FGFBP3: variants seen among roughly 807,000 people sequenced by gnomAD.
The protein encoded by FGFBP3 is fibroblast growth factor binding protein 3.
Under a neutral mutation model 4.8 loss-of-function variants are expected in FGFBP3, and 4 were observed. That is an observed-to-expected ratio of 0.83 (90% CI 0.41 to 1.90). The LOEUF (loss-of-function observed/expected upper bound fraction) is 1.90, where lower values mean the gene tolerates loss of function less well. Ranked by LOEUF, FGFBP3 falls within the 40% of genes most tolerant of loss-of-function variation. FGFBP3 has a pLI of 0.03. For missense variants in FGFBP3, 429 were observed against 397.4 expected (o/e 1.08, Z -0.68); for synonymous variants, 215 against 190.0 (o/e 1.13, Z -1.08).
In FGFBP3 at chr10:91,908,643, G is replaced by C; in HGVS notation, c.327C>G (p.Phe109Leu). ...GCAGCCCTCCCAGCACCTGCTTCCA[G>C]AAGTGCGCGCGGCGAGCGGCGTAGG... The part of the protein sequence containing the change: ...CAAYAARRAH[F>L]WKQVLGGLRK... Residue 109 changes from phenylalanine (F) to leucine (L), a missense_variant, in exon 2 of 2, where the codon TTC (phenylalanine) becomes TTG (leucine). Coordinates refer to ENST00000311575, the MANE Select transcript of FGFBP3 (RefSeq NM_152429.5). 1 of 1,436,872 alleles carries C rather than the reference G, an allele frequency of 7.0e-7. No homozygotes were observed. Among genetic ancestry groups the C allele is most frequent in the Non-Finnish European group, 9.1e-7 (1 of 1,098,686 alleles). The allele number at this position is 1,436,872 out of a possible 1,614,324, so 89.0% of individuals were successfully genotyped here.
At position 91,907,863 on chromosome 10, in the gene FGFBP3, C is replaced by A. The variant is rs886728436; in HGVS notation, c.*330G>T. The A allele has an allele frequency of 5.3e-5, 15 of 282,738 alleles. No individual in the cohort carries two copies. Among genetic ancestry groups the A allele is most frequent in the Non-Finnish European group, 9.1e-5 (14 of 153,204 alleles). The allele number at this position is 282,738 out of a possible 1,614,324, so 17.5% of individuals were successfully genotyped here. A position where few individuals can be genotyped will look rare whatever the true frequency, so the allele number is the denominator to read the frequency against. On this transcript the variant is annotated 3_prime_UTR_variant, in exon 2 of 2. Coordinates refer to ENST00000311575, the MANE Select transcript of FGFBP3 (RefSeq NM_152429.5). ...ATCACTTTAGTCACTCTATCTCCCC[C>A]TTATTCTCAGCCTCCCTCTGCATCG...
Position 91,909,059 on chromosome 10 carries a change from G to C in FGFBP3, c.-78-12C>G, listed in dbSNP as rs1026773205. The C allele has an allele frequency of 1.4e-6, 2 of 1,405,284 alleles. No individual in the cohort carries two copies. The highest frequency in any genetic ancestry group is 2.8e-5 in the South Asian group (2 of 72,132). 87.1% of individuals were successfully genotyped at this position (1,405,284 alleles called of 1,614,324 possible). On this transcript the variant is annotated splice_polypyrimidine_tract_variant and intron_variant, in intron 1 of 1. Coordinates refer to ENST00000311575, the MANE Select transcript of FGFBP3 (RefSeq NM_152429.5). Reference sequence around the variant, plus strand: ...GCATTCCCCAGGACCTGCGGACAGAGGCAGAGACTGCCACCAACTGAGCCA... The same window carrying C: ...GCATTCCCCAGGACCTGCGGACAGACGCAGAGACTGCCACCAACTGAGCCA...
At position 91,908,915 on chromosome 10, in the gene FGFBP3, T is replaced by TCAG. The variant is rs370474127; in HGVS notation, c.52_54dup (p.Leu18dup). 1.2e-4 allele frequency: 200 copies of TCAG among 1,604,358 alleles called. 1 individual carries two copies. The highest frequency in any genetic ancestry group is 6.5e-4 in the East Asian group (29 of 44,370). ...CGAGCAGCCGCGAGGAGGCAACCAC[T>TCAG]CAGCAGCAGCAGCAGCGACGGCGAC... On this transcript the variant is annotated inframe_insertion, in exon 2 of 2. Transcript: ENST00000311575.
In FGFBP3 at chr10:91,907,891, T is replaced by G; in HGVS notation, c.*302A>C. 5 of 327,778 alleles carry G rather than the reference T, an allele frequency of 1.5e-5. No homozygotes were observed. Among genetic ancestry groups the G allele is most frequent in the Non-Finnish European group, 2.2e-5 (4 of 181,234 alleles). 20.3% of individuals were successfully genotyped at this position (327,778 alleles called of 1,614,324 possible). A position where few individuals can be genotyped will look rare whatever the true frequency, so the allele number is the denominator to read the frequency against. On this transcript the variant is annotated 3_prime_UTR_variant, in exon 2 of 2. Coordinates refer to ENST00000311575, the MANE Select transcript of FGFBP3 (RefSeq NM_152429.5). ...ATTCTCAGCCTCCCTCTGCATCGAT[T>G]TCTCTCCCCAGTCTCCAGTTTTTGC... is the stretch of plus-strand genomic sequence containing the variant.
chr10:91,908,102 T>G lies in FGFBP3; in HGVS notation c.*91A>C. The G allele has an allele frequency of 9.5e-6, 11 of 1,161,124 alleles. No homozygotes were observed. The highest frequency in any genetic ancestry group is 3.7e-5 in the East Asian group (1 of 27,304). The allele number at this position is 1,161,124 out of a possible 1,614,324, so 71.9% of individuals were successfully genotyped here. A position where few individuals can be genotyped will look rare whatever the true frequency, so the allele number is the denominator to read the frequency against. On this transcript the variant is annotated 3_prime_UTR_variant, in exon 2 of 2. Coordinates refer to ENST00000311575, the MANE Select transcript of FGFBP3 (RefSeq NM_152429.5). ...TTCGAGAACCTGGACTTCTCCCCAA[T>G]CTCTATCACAGTACCCCCCGGTCTA...
At chr10:91,909,225 G>T (rs1021350360) in intron 1 of FGFBP3, 173 bp downstream of exon 1, 2 of 488,646 alleles carry the variant, frequency 4.1e-6, no homozygotes, top group Admixed American at 4.4e-5. Context: ...TTCGAACCAT[G>T]TATGCATTGA....
At position 91,908,672 on chromosome 10, in the gene FGFBP3, C is replaced by A. The variant is rs192010535; in HGVS notation, c.298G>T (p.Ala100Ser). 1.1e-5 allele frequency: 16 copies of A among 1,428,960 alleles called. No individual in the cohort carries two copies. The Admixed American group carries it at 3.1e-4, about 27-fold the overall frequency. The allele number at this position is 1,428,960 out of a possible 1,614,324, so 88.5% of individuals were successfully genotyped here. Reference sequence around the variant, plus strand: ...TGCGCGCGGCGAGCGGCGTAGGCTGCGCAGCGCTCCGGATGCCCGCGGTAG... The same window carrying A: ...TGCGCGCGGCGAGCGGCGTAGGCTGAGCAGCGCTCCGGATGCCCGCGGTAG... Reference protein sequence around the residue: ...CAYRGHPERCAAYAARRAHFW... With the variant: ...CAYRGHPERCSAYAARRAHFW... Residue 100 changes from alanine (A) to serine (S), a missense_variant, in exon 2 of 2, where the codon GCA (alanine) becomes TCA (serine). Coordinates refer to ENST00000311575, the MANE Select transcript of FGFBP3 (RefSeq NM_152429.5).
chr10:91,908,975 G>A lies in FGFBP3; in HGVS notation c.-6C>T. 1 of 1,567,552 alleles carries A rather than the reference G, an allele frequency of 6.4e-7. No individual in the cohort carries two copies. The highest frequency in any genetic ancestry group is 8.6e-7 in the Non-Finnish European group (1 of 1,159,524). Reference sequence around the variant, plus strand: ...CGCAGCTTCGGAGGAGTCATGCTCCGCGGTTTCCGCGCTCCGCTGTTCTCA... The same window carrying A: ...CGCAGCTTCGGAGGAGTCATGCTCCACGGTTTCCGCGCTCCGCTGTTCTCA... On this transcript the variant is annotated 5_prime_UTR_variant, in exon 2 of 2. Transcript: ENST00000311575.
chr10:91,908,085 C>T lies in FGFBP3; in HGVS notation c.*108G>A. On this transcript the variant is annotated 3_prime_UTR_variant, in exon 2 of 2. Coordinates refer to ENST00000311575, the MANE Select transcript of FGFBP3 (RefSeq NM_152429.5). ...CCTTGCCCCCACCCCCATTCGAGAA[C>T]CTGGACTTCTCCCCAATCTCTATCA... is the stretch of plus-strand genomic sequence containing the variant. 1 of 1,314,646 alleles carries T rather than the reference C, an allele frequency of 7.6e-7. No homozygotes were observed. Among genetic ancestry groups the T allele is most frequent in the Non-Finnish European group, 1.0e-6 (1 of 988,674 alleles). The allele number at this position is 1,314,646 out of a possible 1,614,324, so 81.4% of individuals were successfully genotyped here. A position where few individuals can be genotyped will look rare whatever the true frequency, so the allele number is the denominator to read the frequency against.
intron 1 of FGFBP3, 54 bp downstream of exon 1, chr10:91,909,344 A>C: frequency 4.2e-6 from 1 of 239,622 alleles, no homozygotes; most frequent in Middle Eastern, 1.4e-3. Context: ...CTATCTACAA[A>C]ATCATTTCAG....
In FGFBP3 at chr10:91,908,541, G is replaced by A; in HGVS notation, c.429C>T (p.Ala143=). 7.2e-7 allele frequency: 1 copy of A among 1,379,734 alleles called. No homozygotes were observed. Among genetic ancestry groups the A allele is most frequent in the Non-Finnish European group, 9.3e-7 (1 of 1,074,250 alleles). 85.5% of individuals were successfully genotyped at this position (1,379,734 alleles called of 1,614,324 possible). A position where few individuals can be genotyped will look rare whatever the true frequency, so the allele number is the denominator to read the frequency against. Residue 143 remains alanine, a synonymous_variant, in exon 2 of 2, where the codon GCC becomes GCT. Transcript: ENST00000311575. ...RLCAGKKGHG[A]ELRLVPRASP... is the part of the protein sequence containing the mutation. ...ACGCGCGGGGCACTAGCCGCAGCTCGGCGCCGTGGCCCTTCTTGCCCGCGC... is the reference window on the plus strand; with the variant it reads ...ACGCGCGGGGCACTAGCCGCAGCTCAGCGCCGTGGCCCTTCTTGCCCGCGC...
At position 91,908,811 on chromosome 10, in the gene FGFBP3, G is replaced by C. The variant is rs1316420478; in HGVS notation, c.159C>G (p.Ser53Arg). The C allele has an allele frequency of 6.6e-7, 1 of 1,522,460 alleles. No homozygotes were observed. The highest frequency in any genetic ancestry group is 1.4e-5 in the African/African-American group (1 of 71,724). The allele number at this position is 1,522,460 out of a possible 1,614,324, so 94.3% of individuals were successfully genotyped here. ...PTGGSSGRFLSPEQHACSWQL... is the reference protein window; with the variant it reads ...PTGGSSGRFLRPEQHACSWQL... ...GCCAGCTGCACGCGTGCTGCTCGGG[G>C]CTGAGGAAGCGACCCGAGGAGCCGC... Residue 53 changes from serine to arginine, a missense_variant, in exon 2 of 2, where the codon AGC becomes AGG. Coordinates refer to ENST00000311575, the MANE Select transcript of FGFBP3 (RefSeq NM_152429.5).
Position 91,908,471 on chromosome 10 carries a change from T to G in FGFBP3, c.499A>C (p.Lys167Gln). The G allele has an allele frequency of 1.4e-6, 2 of 1,424,270 alleles. No homozygotes were observed. Among genetic ancestry groups the G allele is most frequent in the East Asian group, 2.9e-5 (1 of 34,836 alleles). 88.2% of individuals were successfully genotyped at this position (1,424,270 alleles called of 1,614,324 possible). ...PTVAGFAGES[K>Q]PRARNRGRTR... is the part of the protein sequence containing the mutation. ...CGCCCCCGGTTCCGGGCCCGGGGCT[T>G]GGACTCCCCCGCGAATCCCGCGACG... Residue 167 changes from lysine (K) to glutamine (Q), a missense_variant, in exon 2 of 2, where the codon AAG becomes CAG. By Grantham distance (53) the Lys-to-Gln change is moderately conservative. Coordinates refer to ENST00000311575, the MANE Select transcript of FGFBP3 (RefSeq NM_152429.5).
At position 91,908,345 on chromosome 10, in the gene FGFBP3, T is replaced by C; in HGVS notation, c.625A>G (p.Arg209Gly). Residue 209 changes from arginine to glycine, a missense_variant, in exon 2 of 2, where the codon AGG (arginine) becomes GGG (glycine). Arg to Gly is a moderately radical substitution (Grantham distance 125, BLOSUM62 -2). Coordinates refer to ENST00000311575, the MANE Select transcript of FGFBP3 (RefSeq NM_152429.5). ...PSERKTNEGK[R>G]KAALVPNEER... ...TCGTTGGGGACCAAGGCCGCCTTCC[T>C]CTTGCCCTCGTTGGTCTTCCTCTCT... 6.3e-7 allele frequency: 1 copy of C among 1,595,374 alleles called. No homozygotes were observed. Among genetic ancestry groups the C allele is most frequent in the Non-Finnish European group, 8.5e-7 (1 of 1,171,920 alleles).
Position 91,908,590 on chromosome 10 carries a change from G to A in FGFBP3, c.380C>T (p.Pro127Leu). The A allele has an allele frequency of 7.0e-7, 1 of 1,420,422 alleles. No individual in the cohort carries two copies. Among genetic ancestry groups the A allele is most frequent in the Non-Finnish European group, 9.1e-7 (1 of 1,093,982 alleles). 88.0% of individuals were successfully genotyped at this position (1,420,422 alleles called of 1,614,324 possible). ...LRKKRRPCHD[P>L]APLQARLCAG... ...GCACAAGCGGGCCTGGAGCGGCGCGGGGTCGTGACAGGGCCTCCGCTTCTT... is the reference window on the plus strand; with the variant it reads ...GCACAAGCGGGCCTGGAGCGGCGCGAGGTCGTGACAGGGCCTCCGCTTCTT... Residue 127 changes from proline to leucine, a missense_variant, in exon 2 of 2, where the codon CCC becomes CTC. By Grantham distance (98) the Pro-to-Leu change is moderately conservative (BLOSUM62 -3). Coordinates refer to ENST00000311575, the MANE Select transcript of FGFBP3 (RefSeq NM_152429.5).
Position 91,908,826 on chromosome 10 carries a change from C to G in FGFBP3, c.144G>C (p.Ser48=). ...EPVPGPTGGS[S]GRFLSPEQHA... is the part of the protein sequence containing the mutation. ...GCTGCTCGGGGCTGAGGAAGCGACCCGAGGAGCCGCCAGTGGGCCCGGGGA... is the reference window on the plus strand; with the variant it reads ...GCTGCTCGGGGCTGAGGAAGCGACCGGAGGAGCCGCCAGTGGGCCCGGGGA... The change falls in exon 2 of 2, where the codon TCG becomes TCC. Residue 48 remains serine, a synonymous_variant. Coordinates refer to ENST00000311575, the MANE Select transcript of FGFBP3 (RefSeq NM_152429.5). 2.0e-6 allele frequency: 3 copies of G among 1,530,660 alleles called. No individual in the cohort carries two copies. The highest frequency in any genetic ancestry group is 1.7e-6 in the Non-Finnish European group (2 of 1,145,648). 94.8% of individuals were successfully genotyped at this position (1,530,660 alleles called of 1,614,324 possible). A position where few individuals can be genotyped will look rare whatever the true frequency, so the allele number is the denominator to read the frequency against.
At chr10:91,909,172 A>G in intron 1 of FGFBP3, 125 bp from the exon 2 acceptor site, 3 of 564,298 alleles carry the variant, frequency 5.3e-6, no homozygotes, top group South Asian at 2.6e-5. Context: ...AGACCCTCTG[A>G]GGAGCTTTCC....
chr10:91,906,951 C>T lies in FGFBP3; in HGVS notation c.*1242G>A, dbSNP rs1843303353. The T allele has an allele frequency of 6.6e-6, 1 of 152,142 alleles. No individual in the cohort carries two copies. Among genetic ancestry groups the T allele is most frequent in the African/African-American group, 2.4e-5 (1 of 41,430 alleles). The allele number at this position is 152,142 out of a possible 1,614,324, so 9.4% of individuals were successfully genotyped here. A position where few individuals can be genotyped will look rare whatever the true frequency, so the allele number is the denominator to read the frequency against. On this transcript the variant is annotated 3_prime_UTR_variant, in exon 2 of 2. Coordinates refer to ENST00000311575, the MANE Select transcript of FGFBP3 (RefSeq NM_152429.5). Reference sequence around the variant, plus strand: ...TTATTGAGCACCTAACATACACACACAGTCTCTCATTACATCACACTAAAA... The same window carrying T: ...TTATTGAGCACCTAACATACACACATAGTCTCTCATTACATCACACTAAAA...
rs1843306085 is a variant in FGFBP3, at chr10:91,907,275, T to C, written c.*918A>G. ...CAGAGGATCACTTGAGACTGGAATG[T>C]CGAGGCCGCAGTGAGCCATAATTGC... On this transcript the variant is annotated 3_prime_UTR_variant, in exon 2 of 2. Transcript: ENST00000311575. The C allele has an allele frequency of 6.6e-6, 1 of 152,192 alleles. No homozygotes were observed. Among genetic ancestry groups the C allele is most frequent in the East Asian group, 1.9e-4 (1 of 5,194 alleles). 9.4% of individuals were successfully genotyped at this position (152,192 alleles called of 1,614,324 possible). A position where few individuals can be genotyped will look rare whatever the true frequency, so the allele number is the denominator to read the frequency against.
Sources: allele counts gnomAD v4.1 joint callset, GRCh38; gene constraint gnomAD v4.1.1; transcripts MANE v1.5; gene names NCBI Gene and HGNC (gene_info 2026-07-23, HGNC 2026-07-21).